The following DPP10 variants were observed in gnomAD, a reference collection of about 807,000 sequenced individuals.
DPP10 encodes inactive dipeptidyl peptidase 10.
A neutral mutation model predicts 120.9 loss-of-function variants in DPP10; 33 were observed. The ratio of observed to expected loss-of-function variants is 0.27; its 90% CI spans 0.21 to 0.37. The LOEUF is 0.37. DPP10 is among the 10% of genes least tolerant of loss of function. DPP10 has a pLI of 1.00. For synonymous variants in DPP10, 337 were observed against 326.1 expected (o/e 1.03, Z -0.36); for missense variants, 816 against 942.8 (o/e 0.87, Z 1.76).
chr2:114,476,926 T>C (rs1016018983), intron 1 of DPP10, among the ~76,000 whole-genome samples: 3 of 152,100 alleles, frequency 2.0e-5, no homozygotes, highest in Non-Finnish European at 2.9e-5. Flanking sequence ...TCTGACATCA[T>C]AGATTAGTTT....
rs934110132 is a variant in DPP10 at position 115,781,097 on chromosome 2, T to C, written c.1483+102T>C. On this transcript the variant is annotated intron_variant, in intron 16 of 25. Transcript: ENST00000410059. ...ATTACTCTAGATGATTTCATAATCTTAATTTATAAATTTTTGTTAATAGGA... is the reference window on the plus strand; with the variant it reads ...ATTACTCTAGATGATTTCATAATCTCAATTTATAAATTTTTGTTAATAGGA... 4 of 1,001,094 alleles carry C rather than the reference T, an allele frequency of 4.0e-6. No individual in the cohort carries two copies. In the African/African-American group the frequency reaches 5.0e-5, roughly 12 times the overall value. The allele number at this position is 1,001,094 out of a possible 1,614,324, so 62.0% of individuals were successfully genotyped here. A position where few individuals can be genotyped will look rare whatever the true frequency, so the allele number is the denominator to read the frequency against.
chr2:115,717,742 G>A (rs1242805014), intron 7 of DPP10, among the ~76,000 whole-genome samples: 2 of 152,160 alleles, frequency 1.3e-5, no homozygotes, highest in Non-Finnish European at 2.9e-5. Flanking sequence ...TGAGGTTGCT[G>A]CAACTGGAAG....
At chr2:114,547,934 T>A (rs1464109054) in intron 1 of DPP10, among the ~76,000 whole-genome samples, 1 of 152,110 alleles carries the variant, frequency 6.6e-6, no homozygotes, top group Non-Finnish European at 1.5e-5. Context: ...ACTTTTCTCC[T>A]CTGATTCTCT....
chr2:115,782,203 G>A (rs1682847432), intron 16 of DPP10, 149 bp from the exon 17 acceptor site: 5 of 601,874 alleles, frequency 8.3e-6, no homozygotes, highest in Non-Finnish European at 1.5e-5. Context: ...TTATAAATAG[G>A]AATGAAAGCT....
intron 5 of DPP10, among the ~76,000 whole-genome samples, chr2:115,553,520 T>C (rs2080009367): frequency 6.6e-6 from 1 of 152,090 alleles, no homozygotes; most frequent in Admixed American, 6.6e-5. Flanking sequence ...TATAATGATA[T>C]ATTAAATTAG....
intron 1 of DPP10, among the ~76,000 whole-genome samples, chr2:114,652,620 A>G (rs1696674538): frequency 2.0e-5 from 3 of 152,214 alleles, no homozygotes; most frequent in Admixed American, 1.3e-4. Flanking sequence ...CAAAACACCT[A>G]TCTGAAGGTG....
chr2:115,505,418 T>C (rs1391802242), intron 4 of DPP10, among the ~76,000 whole-genome samples: 1 of 152,080 alleles, frequency 6.6e-6, no homozygotes, highest in African/African-American at 2.4e-5. Flanking sequence ...ACAATTCCAG[T>C]GTTGATTTTT....
intron 1 of DPP10, among the ~76,000 whole-genome samples, chr2:114,675,207 T>C (rs1698592818): frequency 6.6e-6 from 1 of 152,174 alleles, no homozygotes; most frequent in South Asian, 2.1e-4. Context: ...AGTGGCTTTG[T>C]ATGTGGTTCT....
intron 16 of DPP10, among the ~76,000 whole-genome samples, chr2:115,781,807 CA>C (rs547914663): frequency 2.4e-4 from 37 of 152,040 alleles, no homozygotes; most frequent in Non-Finnish European, 4.4e-5. Context: ...AGTGAAGTTT[CA>C]AGATAACTTT....
chr2:115,390,202 C>A (rs1473023960), intron 3 of DPP10, among the ~76,000 whole-genome samples: 2 of 152,190 alleles, frequency 1.3e-5, no homozygotes, highest in Non-Finnish European at 2.9e-5. Context: ...AGGAAAAAGG[C>A]AACTCTTCAC....
At chr2:114,445,231 A>G (rs529554017) in intron 1 of DPP10, among the ~76,000 whole-genome samples, 31 of 152,142 alleles carry the variant, frequency 2.0e-4, no homozygotes, top group Middle Eastern at 6.8e-3. Flanking sequence ...ATTTTAAGTA[A>G]CCCTCCCTCA....
At chr2:114,920,001 T>C (rs565537382) in intron 1 of DPP10, among the ~76,000 whole-genome samples, 2 of 152,258 alleles carry the variant, frequency 1.3e-5, no homozygotes, top group East Asian at 1.9e-4. Context: ...CTGCAGTGAC[T>C]CCTCTTATTT....
chr2:115,781,834 A>G (rs1006431391), intron 16 of DPP10, among the ~76,000 whole-genome samples: 4 of 152,092 alleles, frequency 2.6e-5, no homozygotes, highest in African/African-American at 9.6e-5. Context: ...GTAACAAATT[A>G]GCTAGTGTAT....
chr2:115,352,168 T>C (rs946606166), intron 3 of DPP10, among the ~76,000 whole-genome samples: 1 of 152,108 alleles, frequency 6.6e-6, no homozygotes, highest in African/African-American at 2.4e-5. Flanking sequence ...TAAAGAGAAT[T>C]TGAAACACAA....
chr2:115,400,126 G>A (rs2067962047), intron 3 of DPP10, among the ~76,000 whole-genome samples: 1 of 151,966 alleles, frequency 6.6e-6, no homozygotes, highest in South Asian at 2.1e-4. Flanking sequence ...CCAAGAAGAT[G>A]GTGCTAAGTC....
At chr2:115,126,194 C>T (rs1389252547) in intron 1 of DPP10, among the ~76,000 whole-genome samples, 3 of 152,164 alleles carry the variant, frequency 2.0e-5, no homozygotes, top group African/African-American at 7.2e-5. Context: ...TCTTGGCTCA[C>T]TGCAACCTCT....
intron 5 of DPP10, among the ~76,000 whole-genome samples, chr2:115,670,920 T>C (rs768205969): frequency 3.3e-5 from 5 of 152,132 alleles, no homozygotes; most frequent in Non-Finnish European, 7.4e-5. Flanking sequence ...TTGAGTCACA[T>C]GAGTTTTCAT....
intron 7 of DPP10, among the ~76,000 whole-genome samples, chr2:115,698,720 T>C (rs2091726085): frequency 6.6e-6 from 1 of 152,154 alleles, no homozygotes; most frequent in African/African-American, 2.4e-5. Context: ...GGAACCCTGA[T>C]CTTGGATTCT....
At chr2:115,129,832 C>G (rs7567644) in intron 1 of DPP10, among the ~76,000 whole-genome samples, 17,003 of 152,080 alleles carry the variant, frequency 0.11, 1,284 homozygotes, top group East Asian at 0.3. Flanking sequence ...ATTCAGAATA[C>G]GCATTTAAAC....
Sources: allele counts gnomAD v4.1 joint callset (sites outside exome capture counted in the v4.1 genomes callset), GRCh38; gene constraint gnomAD v4.1.1; transcripts MANE v1.5; gene names NCBI Gene and HGNC (gene_info 2026-07-23, HGNC 2026-07-21).